Variants in IFT81 observed in about 807,000 individuals in gnomAD.
IFT81 encodes intraflagellar transport protein 81 homolog.
A neutral mutation model predicts 102.6 loss-of-function variants in IFT81; 72 were observed. That is an observed-to-expected ratio of 0.70 (90% CI 0.58 to 0.85). The LOEUF (loss-of-function observed/expected upper bound fraction) is 0.85, where lower values mean the gene tolerates loss of function less well. Among genes scored for constraint, IFT81 ranks in the 40% least tolerant of loss-of-function variants. IFT81 has a pLI of 0.00. For synonymous variants in IFT81, 237 were observed against 242.7 expected (o/e 0.98, Z 0.22); for missense variants, 723 against 787.3 (o/e 0.92, Z 0.98).
chr12:110,129,458 A>C (rs1894039168), intron 4 of IFT81, among the ~76,000 whole-genome samples: 1 of 152,194 alleles, frequency 6.6e-6, no homozygotes, highest in African/African-American at 2.4e-5. Context: ...AGGTGACTAC[A>C]TAGTTTTTTA....
chr12:110,171,583 C>G (rs1896730768), intron 11 of IFT81, among the ~76,000 whole-genome samples: 2 of 152,090 alleles, frequency 1.3e-5, no homozygotes, highest in Admixed American at 1.3e-4. Context: ...TGAAAATGTG[C>G]CACTAACAGG....
intron 12 of IFT81, among the ~76,000 whole-genome samples, chr12:110,180,946 T>C (rs1321839250): frequency 6.6e-6 from 1 of 152,194 alleles, no homozygotes. Flanking sequence ...GAAAGAAATA[T>C]CCAGGGAAGT....
intron 11 of IFT81, among the ~76,000 whole-genome samples, chr12:110,169,410 A>G (rs925018390): frequency 6.6e-6 from 1 of 152,174 alleles, no homozygotes; most frequent in Non-Finnish European, 1.5e-5. Flanking sequence ...CTCCCAGTGA[A>G]TCACTGAATC....
intron 10 of IFT81, among the ~76,000 whole-genome samples, chr12:110,156,715 T>A (rs537937342): frequency 2.6e-5 from 4 of 152,180 alleles, no homozygotes; most frequent in Non-Finnish European, 5.9e-5. Context: ...CAGGCTGGTC[T>A]AGAACTCCTG....
rs1334533271 is a variant in IFT81, at chr12:110,129,129, A to C, written c.428A>C (p.Gln143Pro). 6.3e-7 allele frequency: 1 copy of C among 1,584,650 alleles called. No individual in the cohort carries two copies. Among genetic ancestry groups the C allele is most frequent in the African/African-American group, 1.4e-5 (1 of 73,042 alleles). ...GAAACTGTGGCTGACACCAATAAAC[A>C]GGTAAACAATACATAAATGGTACAT... The part of the protein sequence containing the change: ...QDETVADTNK[Q>P]YEELMEAFKT... The change falls in exon 4 of 19, where the codon CAG becomes CCG. Residue 143 changes from glutamine to proline, a missense_variant and splice_region_variant. Gln to Pro is a moderately conservative substitution (Grantham distance 76). Coordinates refer to ENST00000242591, the MANE Select transcript of IFT81 (RefSeq NM_014055.4).
chr12:110,144,681 T>A (rs987331230), intron 9 of IFT81, among the ~76,000 whole-genome samples: 2 of 149,990 alleles, frequency 1.3e-5, no homozygotes, highest in Non-Finnish European at 3.0e-5. Context: ...TGGCCAATTT[T>A]TTTATTTTTA....
intron 10 of IFT81, among the ~76,000 whole-genome samples, chr12:110,158,659 G>A (rs991736293): frequency 6.6e-6 from 1 of 151,268 alleles, no homozygotes; most frequent in African/African-American, 2.4e-5. Flanking sequence ...GCACTATCTC[G>A]GCTCACTGCA....
At chr12:110,168,477 TACTA>T in intron 11 of IFT81, 1 of 966,866 alleles carries the variant, frequency 1.0e-6, no homozygotes, top group Non-Finnish European at 1.2e-6. Context: ...CATCATCTGT[TACTA>T]ACGCAGCTTT....
At chr12:110,161,696 C>T (rs939394516) in intron 10 of IFT81, among the ~76,000 whole-genome samples, 1 of 151,916 alleles carries the variant, frequency 6.6e-6, no homozygotes, top group African/African-American at 2.4e-5. Flanking sequence ...TCAAGTGATC[C>T]TCCCACCTTG....
At chr12:110,133,247 T>C (rs565049169) in intron 5 of IFT81, among the ~76,000 whole-genome samples, 2 of 152,202 alleles carry the variant, frequency 1.3e-5, no homozygotes, top group African/African-American at 2.4e-5. Flanking sequence ...ACTGGGATTA[T>C]AGGCATGAGC....
At chr12:110,148,793 G>GA (rs1451633486) in intron 10 of IFT81, among the ~76,000 whole-genome samples, 1 of 152,152 alleles carries the variant, frequency 6.6e-6, no homozygotes, top group Non-Finnish European at 1.5e-5. Context: ...TTTATAAAGA[G>GA]AAAACCTCTC....
chr12:110,150,317 G>A (rs1895455600), intron 10 of IFT81, among the ~76,000 whole-genome samples: 1 of 152,024 alleles, frequency 6.6e-6, no homozygotes, highest in Non-Finnish European at 1.5e-5. Context: ...TGTTGGTCAG[G>A]CTGGTCTTGA....
intron 12 of IFT81, 151 bp downstream of exon 12, chr12:110,180,722 C>G (rs940618501): frequency 9.2e-5 from 49 of 530,212 alleles, no homozygotes; most frequent in Admixed American, 1.8e-4. Flanking sequence ...TAAGTTGATT[C>G]ATTTATTTTT....
intron 7 of IFT81, among the ~76,000 whole-genome samples, chr12:110,135,686 G>A (rs1395204530): frequency 6.6e-6 from 1 of 151,964 alleles, no homozygotes; most frequent in Non-Finnish European, 1.5e-5. Flanking sequence ...GGCCAGCACA[G>A]TGAAACCCTG....
chr12:110,201,692 C>A (rs1428860659), intron 14 of IFT81, among the ~76,000 whole-genome samples: 1 of 152,106 alleles, frequency 6.6e-6, no homozygotes, highest in African/African-American at 2.4e-5. Flanking sequence ...AGCGATCCAC[C>A]CGCCTTGGCC....
intron 13 of IFT81, 120 bp downstream of exon 13, chr12:110,191,168 C>CTT (rs878915407): frequency 2.2e-3 from 1,375 of 618,636 alleles, no homozygotes; most frequent in South Asian, 2.9e-3. Flanking sequence ...ATTCTTTCAT[C>CTT]TTTTTTTTTT....
chr12:110,135,768 G>A (rs2137322113), intron 7 of IFT81, among the ~76,000 whole-genome samples: 1 of 151,496 alleles, frequency 6.6e-6, no homozygotes, highest in East Asian at 1.9e-4. Context: ...TCCAGAGGCT[G>A]AGGCAGGAGA....
intron 10 of IFT81, among the ~76,000 whole-genome samples, chr12:110,149,267 A>C (rs372018122): frequency 6.6e-6 from 1 of 152,214 alleles, no homozygotes; most frequent in South Asian, 2.1e-4. Flanking sequence ...CCTTGTCCCC[A>C]TCGCAGGGCA....
rs576765683 is a variant in IFT81 at position 110,144,248 on chromosome 12, G to A, written c.945+703G>A. Among the ~76,000 whole-genome samples, 7 of 150,836 alleles carry A rather than the reference G, an allele frequency of 4.6e-5. No individual in the cohort carries two copies. The South Asian group carries it at 8.4e-4, about 18-fold the overall frequency. On this transcript the variant is annotated intron_variant, in intron 9 of 18. Coordinates refer to ENST00000242591, the MANE Select transcript of IFT81 (RefSeq NM_014055.4). ...TTGTTTTTTTTTGAGACAGAGTCTC[G>A]TTCTGTTGCCCAGGCTGGAGTGCAG...
Sources: gnomAD v4.1 joint callset for allele counts (sites outside exome capture counted in the v4.1 genomes callset) on GRCh38, gnomAD v4.1.1 for gene constraint, MANE v1.5 for transcripts, NCBI Gene and HGNC (gene_info 2026-07-23, HGNC 2026-07-21) for gene names.